Variants in PON1 observed in about 807,000 individuals in gnomAD.
PON1 encodes the protein serum paraoxonase/arylesterase 1.
In PON1, 37 loss-of-function variants were observed where a neutral mutation model predicts 39.2. The observed-to-expected ratio is 0.94, with a 90% CI of 0.73 to 1.24. PON1 has a LOEUF of 1.24. Among genes scored for constraint, PON1 ranks in the 50% most tolerant of loss-of-function variants. The pLI, the probability that PON1 is intolerant of heterozygous loss-of-function variation, is 0.00. For missense variants in PON1, 397 were observed against 413.5 expected (o/e 0.96, Z 0.35); for synonymous variants, 148 against 152.2 (o/e 0.97, Z 0.21).
In PON1 at chr7:95,298,984, A is replaced by G. The variant is rs1807354315; in HGVS notation, c.1028T>C (p.Ile343Thr). 1 of 1,614,156 alleles carries G rather than the reference A, an allele frequency of 6.2e-7. No homozygotes were observed. Reference protein sequence around the residue: ...VASVYKGKLLIGTVFHKALYC... With the variant: ...VASVYKGKLLTGTVFHKALYC... ...AAGAGCTTTGTGAAACACTGTGCCA[A>G]TCAGCAGTTTCCCTTTGTACACAGA... Residue 343 changes from isoleucine to threonine, a missense_variant, in exon 9 of 9, where the codon ATT (isoleucine) becomes ACT (threonine). Transcript: ENST00000222381.
intron 7 of PON1, among the ~76,000 whole-genome samples, chr7:95,302,824 G>T (rs117952103): frequency 1.2e-3 from 185 of 152,238 alleles, no homozygotes; most frequent in Non-Finnish European, 2.1e-3. Flanking sequence ...ATCACCCAGG[G>T]TCTCATTTTT....
At chr7:95,306,190 C>T (rs1807537205) in intron 7 of PON1, 95 bp downstream of exon 7, 2 of 1,082,626 alleles carry the variant, frequency 1.8e-6, no homozygotes, top group Admixed American at 1.7e-5. Flanking sequence ...CTCACCCACC[C>T]CAATTAAGCA....
chr7:95,307,070 TTTTAA>T, intron 6 of PON1, among the ~76,000 whole-genome samples: 1 of 119,666 alleles, frequency 8.4e-6, no homozygotes, highest in African/African-American at 4.2e-5. Context: ...TTTTTTTTTT[TTTTAA>T]AAAAAAACAG....
chr7:95,299,106 T>C lies in PON1; in HGVS notation c.910-4A>G. The C allele has an allele frequency of 6.2e-7, 1 of 1,613,704 alleles. No individual in the cohort carries two copies. The highest frequency in any genetic ancestry group is 8.5e-7 in the Non-Finnish European group (1 of 1,179,558). On this transcript the variant is annotated splice_region_variant and splice_polypyrimidine_tract_variant and intron_variant, in intron 8 of 8. Transcript: ENST00000222381. Reference sequence around the variant, plus strand: ...GAATGTTCTGGATTCGAAGCACCTGTGGAAGAAATAACATTGGGTTAATAT... The same window carrying C: ...GAATGTTCTGGATTCGAAGCACCTGCGGAAGAAATAACATTGGGTTAATAT...
At chr7:95,319,904 A>G (rs1333494077) in intron 1 of PON1, among the ~76,000 whole-genome samples, 1 of 152,226 alleles carries the variant, frequency 6.6e-6, no homozygotes, top group African/African-American at 2.4e-5. Flanking sequence ...TGTGTCATAC[A>G]TTCATAACTT....
intron 5 of PON1, among the ~76,000 whole-genome samples, chr7:95,309,652 CTAAA>C (rs1807614215): frequency 6.6e-6 from 1 of 152,156 alleles, no homozygotes; most frequent in Admixed American, 6.5e-5. Context: ...AGCATTGTCA[CTAAA>C]TTTTGAGCCA....
intron 8 of PON1, 62 bp from the exon 9 acceptor site, chr7:95,299,164 T>G: frequency 6.7e-7 from 1 of 1,487,940 alleles, no homozygotes; most frequent in East Asian, 2.3e-5. Context: ...ACCTTATGCA[T>G]AATAGGGTCA....
chr7:95,324,258 T>C, intron 1 of PON1, 144 bp downstream of exon 1: 1 of 779,278 alleles, frequency 1.3e-6, no homozygotes, highest in Middle Eastern at 2.2e-4. Flanking sequence ...TGGACAAACA[T>C]TTATGAAACC....
chr7:95,303,278 C>T (rs1041797402), intron 7 of PON1, among the ~76,000 whole-genome samples: 1 of 152,188 alleles, frequency 6.6e-6, no homozygotes, highest in African/African-American at 2.4e-5. Flanking sequence ...AGCATCATGG[C>T]AGAGCCTCAG....
rs1480505212 is a variant in PON1 at position 95,307,072 on chromosome 7, T to A, written c.699-706A>T. ...CTTTCTTTCTTTCTTTTTTTTTTTT[T>A]TAAAAAAAAACAGAGTCTTGCTCTG... On this transcript the variant is annotated intron_variant, in intron 6 of 8. Coordinates refer to ENST00000222381, the MANE Select transcript of PON1 (RefSeq NM_000446.7). Among the ~76,000 whole-genome samples the A allele has an allele frequency of 4.2e-4, 61 of 146,812 alleles. No homozygotes were observed. The South Asian group carries it at 0.013, about 30-fold the overall frequency.
In PON1 at chr7:95,299,233, A is replaced by G; in HGVS notation, c.910-131T>C. ...GAGATAAATCCTATTTTGTTCCAAA[A>G]TTACACTTAACACACCTGTTTCTTC... On this transcript the variant is annotated intron_variant, in intron 8 of 8. Transcript: ENST00000222381. 12 of 1,005,790 alleles carry G rather than the reference A, an allele frequency of 1.2e-5. No individual in the cohort carries two copies. The South Asian group carries it at 1.6e-4, about 13-fold the overall frequency. The allele number at this position is 1,005,790 out of a possible 1,614,324, so 62.3% of individuals were successfully genotyped here. A position where few individuals can be genotyped will look rare whatever the true frequency, so the allele number is the denominator to read the frequency against.
At chr7:95,302,413 G>T in intron 7 of PON1, 80 bp from the exon 8 acceptor site, 1 of 1,322,396 alleles carries the variant, frequency 7.6e-7, no homozygotes, top group Non-Finnish European at 1.1e-6. Context: ...TCAGAGAAAA[G>T]TTGCCTCTTG....
intron 8 of PON1, among the ~76,000 whole-genome samples, chr7:95,300,839 A>G (rs1013723298): frequency 1.3e-5 from 2 of 152,204 alleles, no homozygotes; most frequent in African/African-American, 4.8e-5. Context: ...CTTCAATTCT[A>G]TTAAACATAC....
At chr7:95,314,416 A>G (rs2116318163) in intron 4 of PON1, among the ~76,000 whole-genome samples, 1 of 151,874 alleles carries the variant, frequency 6.6e-6, no homozygotes, top group South Asian at 2.1e-4. Flanking sequence ...GGGAAGAGGG[A>G]AGGAAGGAGA....
In PON1 at chr7:95,308,002, T is replaced by A. The variant is rs1158401237; in HGVS notation, c.698+9A>T. ...AGTAAATCCACTACATTTCAGAGAG[T>A]TCACATACTTGCCATCGGGTGAAAT... On this transcript the variant is annotated intron_variant, in intron 6 of 8. Coordinates refer to ENST00000222381, the MANE Select transcript of PON1 (RefSeq NM_000446.7). The A allele has an allele frequency of 3.1e-6, 5 of 1,609,788 alleles. No individual in the cohort carries two copies. The highest frequency in any genetic ancestry group is 2.2e-5 in the East Asian group (1 of 44,850).
At chr7:95,302,526 G>T in intron 7 of PON1, 193 bp from the exon 8 acceptor site, 1 of 575,654 alleles carries the variant, frequency 1.7e-6, no homozygotes, top group Non-Finnish European at 3.1e-6. Context: ...TATTTTGTCA[G>T]TTTCCAGGGC....
At chr7:95,310,665 G>A (rs924644275) in intron 5 of PON1, among the ~76,000 whole-genome samples, 2 of 152,152 alleles carry the variant, frequency 1.3e-5, no homozygotes, top group African/African-American at 2.4e-5. Flanking sequence ...TACATACCAG[G>A]CCCTTAGCTA....
chr7:95,318,305 T>G lies in PON1; in HGVS notation c.145+18A>C, dbSNP rs779593049. The stretch of plus-strand genomic sequence containing the variant: ...ACCGGAAGTTCAAATGAGACCCTTC[T>G]TCCTCTCACATACATACCGATTCCT... On this transcript the variant is annotated intron_variant, in intron 2 of 8. Coordinates refer to ENST00000222381, the MANE Select transcript of PON1 (RefSeq NM_000446.7). The G allele has an allele frequency of 3.8e-6, 6 of 1,579,786 alleles. No individual in the cohort carries two copies. Among genetic ancestry groups the G allele is most frequent in the Non-Finnish European group, 4.4e-6 (5 of 1,148,896 alleles).
chr7:95,317,410 G>A (rs1807791544), intron 2 of PON1, among the ~76,000 whole-genome samples: 1 of 151,796 alleles, frequency 6.6e-6, no homozygotes, highest in Non-Finnish European at 1.5e-5. Context: ...TCTACACTTA[G>A]TGGAAAGTTT....
Sources: allele counts gnomAD v4.1 joint callset (sites outside exome capture counted in the v4.1 genomes callset), GRCh38; gene constraint gnomAD v4.1.1; transcripts MANE v1.5; gene names NCBI Gene and HGNC (gene_info 2026-07-23, HGNC 2026-07-21).